ADGRL1: variants seen among roughly 807,000 people sequenced by gnomAD.
ADGRL1 encodes adhesion G protein-coupled receptor L1.
Under a neutral mutation model 148.9 loss-of-function variants are expected in ADGRL1, and 31 were observed. The ratio of observed to expected loss-of-function variants is 0.21; its 90% CI spans 0.16 to 0.28. ADGRL1 has a LOEUF of 0.28. Among genes scored for constraint, ADGRL1 ranks in the 10% least tolerant of loss-of-function variants. The probability of loss-of-function intolerance (pLI) is 1.00; values close to 1 mark genes in which losing one functional copy is unlikely to be tolerated. For synonymous variants in ADGRL1, 937 were observed against 900.3 expected (o/e 1.04, Z -0.73); for missense variants, 1,521 against 2,058.8 (o/e 0.74, Z 5.05).
intron 1 of ADGRL1, among the ~76,000 whole-genome samples, chr19:14,203,070 C>A (rs1304239088): frequency 6.6e-6 from 1 of 152,066 alleles, no homozygotes; most frequent in African/African-American, 2.4e-5. Flanking sequence ...TCAGGGTGCC[C>A]AATAGCAACC....
chr19:14,178,606 A>G (rs1970979934), intron 2 of ADGRL1, among the ~76,000 whole-genome samples: 3 of 150,920 alleles, frequency 2.0e-5, no homozygotes, highest in Non-Finnish European at 4.4e-5. Flanking sequence ...GCAAGTCTCA[A>G]CCTCCTGGGC....
chr19:14,175,193 G>A (rs1162894585), intron 3 of ADGRL1, among the ~76,000 whole-genome samples: 1 of 152,062 alleles, frequency 6.6e-6, no homozygotes, highest in Non-Finnish European at 1.5e-5. Context: ...ACTGACTGTG[G>A]GTGTGAGAGA....
chr19:14,152,130 T>TA lies in ADGRL1; in HGVS notation c.3667+2dup, dbSNP rs1968264544. 6.2e-7 allele frequency: 1 copy of TA among 1,613,844 alleles called. No homozygotes were observed. The highest frequency in any genetic ancestry group is 8.5e-7 in the Non-Finnish European group (1 of 1,179,780). On this transcript the variant is annotated splice_region_variant and intron_variant, in intron 22 of 22. Coordinates refer to ENST00000361434, the MANE Select transcript of ADGRL1 (RefSeq NM_014921.5). This position sits in a 1 kb window ranked among gnomAD's most constrained non-coding sequence, Gnocchi z 6.1. ...AACATCCCCAGGGAAGAGTCACACT[T>TA]ACTGGGTTCCCGGTAGCTCCCTGCA...
Position 14,148,728 on chromosome 19 carries a change from G to A in ADGRL1, c.*2145C>T, listed in dbSNP as rs1967845132. On this transcript the variant is annotated 3_prime_UTR_variant, in exon 23 of 23. Coordinates refer to ENST00000361434, the MANE Select transcript of ADGRL1 (RefSeq NM_014921.5). ...TAGGCCTTTCTACCAGAAAAAGCCA[G>A]AGTTGGAACCCAACCCCACCTCTTC... The A allele has an allele frequency of 6.5e-6, 1 of 152,692 alleles. No individual in the cohort carries two copies. Among genetic ancestry groups the A allele is most frequent in the African/African-American group, 2.4e-5 (1 of 41,434 alleles). 9.5% of individuals were successfully genotyped at this position (152,692 alleles called of 1,614,324 possible). A position where few individuals can be genotyped will look rare whatever the true frequency, so the allele number is the denominator to read the frequency against.
In ADGRL1 at chr19:14,159,043, G is replaced by A; in HGVS notation, c.2149+47C>T. On this transcript the variant is annotated intron_variant, in intron 11 of 22. Transcript: ENST00000361434. This position sits in a 1 kb window ranked among gnomAD's most constrained non-coding sequence, Gnocchi z 6.0. Reference sequence around the variant, plus strand: ...AGACGCTGGCACAGAGCTGGGGGGTGGGGGTGGGGCTGCTTCCCCACCCGA... The same window carrying A: ...AGACGCTGGCACAGAGCTGGGGGGTAGGGGTGGGGCTGCTTCCCCACCCGA... The A allele has an allele frequency of 6.2e-7, 1 of 1,606,640 alleles. No homozygotes were observed. The highest frequency in any genetic ancestry group is 8.5e-7 in the Non-Finnish European group (1 of 1,176,136).
chr19:14,163,003 C>T lies in ADGRL1; in HGVS notation c.798G>A (p.Ala266=), dbSNP rs761085536. ...TGACCCACAGCCCGTTCTCGTCCACCGCCAGGTCAATGTCGGTCTTTCCGC... is the reference window on the plus strand; with the variant it reads ...TGACCCACAGCCCGTTCTCGTCCACTGCCAGGTCAATGTCGGTCTTTCCGC... ...RWGGKTDIDL[A]VDENGLWVIY... The change falls in exon 5 of 23, where the codon GCG becomes GCA. Residue 266 remains alanine (A), a synonymous_variant. Coordinates refer to ENST00000361434, the MANE Select transcript of ADGRL1 (RefSeq NM_014921.5). The T allele has an allele frequency of 5.6e-6, 9 of 1,614,046 alleles. No individual in the cohort carries two copies. In the East Asian group the frequency reaches 8.9e-5, roughly 16 times the overall value.
intron 3 of ADGRL1, among the ~76,000 whole-genome samples, chr19:14,174,346 G>A (rs915430357): frequency 2.6e-5 from 4 of 152,124 alleles, no homozygotes; most frequent in East Asian, 1.9e-4. Flanking sequence ...GACAGGAAGC[G>A]GGGAAGAGAG....
intron 1 of ADGRL1, among the ~76,000 whole-genome samples, chr19:14,203,886 G>A (rs1310722711): frequency 6.6e-6 from 1 of 152,204 alleles, no homozygotes; most frequent in African/African-American, 2.4e-5. Context: ...CTGCAGGGGT[G>A]TCCCAGAGCA....
In ADGRL1 at chr19:14,157,539, G is replaced by A. The variant is rs1180362557; in HGVS notation, c.2536-79C>T. The A allele has an allele frequency of 8.9e-6, 13 of 1,454,790 alleles. No homozygotes were observed. In the Admixed American group the frequency reaches 1.4e-4, roughly 16 times the overall value. 90.1% of individuals were successfully genotyped at this position (1,454,790 alleles called of 1,614,324 possible). ...TCAGCCAGGTGCCAGCCACAGACAG[G>A]GCCCTGGGCAAGGCCATGGGCCGTG... On this transcript the variant is annotated intron_variant, in intron 13 of 22. Coordinates refer to ENST00000361434, the MANE Select transcript of ADGRL1 (RefSeq NM_014921.5). The surrounding 1 kb of genome is among the most constrained non-coding windows in gnomAD (Gnocchi z 7.5).
At position 14,190,677 on chromosome 19, in the gene ADGRL1, A is replaced by C. The variant is rs185262036; in HGVS notation, c.-95-6980T>G. On this transcript the variant is annotated intron_variant, in intron 1 of 22. Coordinates refer to ENST00000361434, the MANE Select transcript of ADGRL1 (RefSeq NM_014921.5). ...TGCTCTACTCTGCTTCTACGAGTTC[A>C]ATTCTTTTTTAGATTCCACAGATAA... is the stretch of plus-strand genomic sequence containing the variant. 3.0e-3 allele frequency among the ~76,000 whole-genome samples: 457 copies of C among 152,260 alleles called. 1 individual carries two copies. Among genetic ancestry groups the C allele is most frequent in the Non-Finnish European group, 5.0e-3 (337 of 68,024 alleles).
intron 2 of ADGRL1, among the ~76,000 whole-genome samples, chr19:14,181,595 C>T (rs969025993): frequency 2.0e-5 from 3 of 152,130 alleles, no homozygotes; most frequent in Non-Finnish European, 4.4e-5. Flanking sequence ...TGGCAGGCGG[C>T]TGTAATCCCA....
chr19:14,180,990 G>A (rs1222527419), intron 2 of ADGRL1, among the ~76,000 whole-genome samples: 1 of 152,008 alleles, frequency 6.6e-6, no homozygotes, highest in Non-Finnish European at 1.5e-5. Context: ...AGAGCTTGCA[G>A]TGAGCCGAGA....
rs990794215 is a variant in ADGRL1 at position 14,150,059 on chromosome 19, G to A, written c.*814C>T. On this transcript the variant is annotated 3_prime_UTR_variant, in exon 23 of 23. Transcript: ENST00000361434. ...CCAAGCCCAGGACCCACTCCCCAGGGAGATCCAGACCCAAAATCTGCTCCC... is the reference window on the plus strand; with the variant it reads ...CCAAGCCCAGGACCCACTCCCCAGGAAGATCCAGACCCAAAATCTGCTCCC... The A allele has an allele frequency of 3.9e-5, 6 of 152,206 alleles. No homozygotes were observed. Among genetic ancestry groups the A allele is most frequent in the Non-Finnish European group, 8.8e-5 (6 of 68,056 alleles). The allele number at this position is 152,206 out of a possible 1,614,324, so 9.4% of individuals were successfully genotyped here.
Position 14,159,978 on chromosome 19 carries a change from G to A in ADGRL1, c.1800+134C>T, listed in dbSNP as rs1001602910. On this transcript the variant is annotated intron_variant, in intron 8 of 22. Transcript: ENST00000361434. This position sits in a 1 kb window ranked among gnomAD's most constrained non-coding sequence, Gnocchi z 6.0. ...GAGACCCGGCAGTCCTTGGCGGAGAGGGGGGGGTCCTTCCTCTCTGAGGAA... is the reference window on the plus strand; with the variant it reads ...GAGACCCGGCAGTCCTTGGCGGAGAAGGGGGGGTCCTTCCTCTCTGAGGAA... 21 of 1,024,216 alleles carry A rather than the reference G, an allele frequency of 2.1e-5. No homozygotes were observed. Among genetic ancestry groups the A allele is most frequent in the Middle Eastern group, 2.9e-4 (1 of 3,470 alleles). 63.4% of individuals were successfully genotyped at this position (1,024,216 alleles called of 1,614,324 possible). A position where few individuals can be genotyped will look rare whatever the true frequency, so the allele number is the denominator to read the frequency against.
At chr19:14,178,366 G>C (rs186713345) in intron 2 of ADGRL1, among the ~76,000 whole-genome samples, 2 of 152,064 alleles carry the variant, frequency 1.3e-5, no homozygotes, top group African/African-American at 2.4e-5. Context: ...TTAGCCAGAC[G>C]TGGTGGCACA....
Position 14,159,900 on chromosome 19 carries a change from G to A in ADGRL1, c.1801-127C>T. 1 of 1,031,574 alleles carries A rather than the reference G, an allele frequency of 9.7e-7. No individual in the cohort carries two copies. The highest frequency in any genetic ancestry group is 1.3e-5 in the South Asian group (1 of 76,350). The allele number at this position is 1,031,574 out of a possible 1,614,324, so 63.9% of individuals were successfully genotyped here. The stretch of plus-strand genomic sequence containing the variant: ...TGACCCAGGGCTGGGCTATCAGCAA[G>A]ACATTCCTCAGGGATCCCCAACCCC... On this transcript the variant is annotated intron_variant, in intron 8 of 22. Coordinates refer to ENST00000361434, the MANE Select transcript of ADGRL1 (RefSeq NM_014921.5). This position sits in a 1 kb window ranked among gnomAD's most constrained non-coding sequence, Gnocchi z 6.0.
In ADGRL1 at chr19:14,162,477, G is replaced by T; in HGVS notation, c.1195+129C>A. 1.3e-6 allele frequency: 1 copy of T among 758,928 alleles called. No individual in the cohort carries two copies. The highest frequency in any genetic ancestry group is 2.2e-6 in the Non-Finnish European group (1 of 463,568). The allele number at this position is 758,928 out of a possible 1,614,324, so 47.0% of individuals were successfully genotyped here. On this transcript the variant is annotated intron_variant, in intron 5 of 22. Coordinates refer to ENST00000361434, the MANE Select transcript of ADGRL1 (RefSeq NM_014921.5). The surrounding 1 kb of genome is among the most constrained non-coding windows in gnomAD (Gnocchi z 5.4). ...TAGAACAGCGTCTGTCACATGCTGT[G>T]AATTTCCTTTACCTCCCGATCCCCA...
At chr19:14,171,017 T>C (rs2144878262) in intron 3 of ADGRL1, 2 of 490,446 alleles carry the variant, frequency 4.1e-6, no homozygotes, top group Non-Finnish European at 7.5e-6. Context: ...GATTGGATCA[T>C]GGGGGCAGTT....
In ADGRL1 at chr19:14,155,302, G is replaced by A; in HGVS notation, c.3294+57C>T. On this transcript the variant is annotated intron_variant, in intron 18 of 22. Coordinates refer to ENST00000361434, the MANE Select transcript of ADGRL1 (RefSeq NM_014921.5). The surrounding 1 kb of genome is among the most constrained non-coding windows in gnomAD (Gnocchi z 5.0). Reference sequence around the variant, plus strand: ...CTCCACCCTCGCCGCCTTCTCCTGGGTACCCAGGAAACGTCTCCAAGGGAG... The same window carrying A: ...CTCCACCCTCGCCGCCTTCTCCTGGATACCCAGGAAACGTCTCCAAGGGAG... The A allele has an allele frequency of 6.3e-7, 1 of 1,591,780 alleles. No homozygotes were observed. Among genetic ancestry groups the A allele is most frequent in the African/African-American group, 1.3e-5 (1 of 74,320 alleles).
Sources: gnomAD v4.1 joint callset for allele counts (sites outside exome capture counted in the v4.1 genomes callset) on GRCh38, gnomAD v4.1.1 for gene constraint, Gnocchi (gnomAD v3.1) non-coding constraint, MANE v1.5 for transcripts, NCBI Gene and HGNC (gene_info 2026-07-23, HGNC 2026-07-21) for gene names.